Variants in KLF12 observed in about 807,000 individuals in gnomAD.
KLF12 encodes KLF transcription factor 12.
In KLF12, 9 loss-of-function variants were observed where a neutral mutation model predicts 37.8. The observed-to-expected ratio is 0.24, with a 90% CI of 0.14 to 0.42. The LOEUF is 0.42. Ranked by LOEUF, KLF12 falls within the 10% of genes least tolerant of loss-of-function variation. The pLI is 1.00. For missense variants in KLF12, 411 were observed against 516.0 expected, an observed-to-expected ratio of 0.80 and a Z score of 1.97; for synonymous variants, 208 against 202.1, an observed-to-expected ratio of 1.03 and a Z score of -0.25.
At chr13:73,997,103 T>C (rs1005131308) in intron 1 of KLF12, among the ~76,000 whole-genome samples, 1 of 152,208 alleles carries the variant, frequency 6.6e-6, no homozygotes, top group Non-Finnish European at 1.5e-5. Flanking sequence ...TAGTTTTTGC[T>C]TTCCATCCAA....
intron 7 of KLF12, among the ~76,000 whole-genome samples, chr13:73,701,463 A>G (rs1299830152): frequency 6.6e-6 from 1 of 152,102 alleles, no homozygotes; most frequent in Non-Finnish European, 1.5e-5. Context: ...TACACAGTCA[A>G]CCTCTTTTGA....
At chr13:73,699,491 T>G (rs985330944) in intron 7 of KLF12, among the ~76,000 whole-genome samples, 4 of 152,152 alleles carry the variant, frequency 2.6e-5, no homozygotes, top group Non-Finnish European at 5.9e-5. Flanking sequence ...CTTCTGCTCA[T>G]TAAAAAAGTA....
chr13:73,842,503 T>C (rs764326201), intron 4 of KLF12, among the ~76,000 whole-genome samples: 4 of 152,172 alleles, frequency 2.6e-5, no homozygotes, highest in South Asian at 2.1e-4. Context: ...AGATGCACAA[T>C]AGACAGCTGA....
intron 1 of KLF12, among the ~76,000 whole-genome samples, chr13:74,065,854 T>C (rs1193900095): frequency 6.6e-6 from 1 of 152,024 alleles, no homozygotes; most frequent in Non-Finnish European, 1.5e-5. Flanking sequence ...GGATTCTAAC[T>C]GGAGTTAGAA....
chr13:74,242,740 G>C, the KLF12 span, among the ~76,000 whole-genome samples: 2 of 152,058 alleles, frequency 1.3e-5, no homozygotes, highest in African/African-American at 4.8e-5. Context: ...AAGGATACTG[G>C]GGATACAAGG....
In KLF12 at chr13:73,743,919, A is replaced by T. The variant is rs566729362; in HGVS notation, c.869+21019T>A. On this transcript the variant is annotated intron_variant, in intron 6 of 7. Transcript: ENST00000377669. ...TCATTTACTAATTCCTTGAGGCAGG[A>T]TTCTATTTCAAGCAGTCCAGGTAGA... Among the ~76,000 whole-genome samples, 5 of 152,318 alleles carry T rather than the reference A, an allele frequency of 3.3e-5. No homozygotes were observed. The East Asian group carries it at 9.6e-4, about 29-fold the overall frequency.
chr13:74,036,451 C>T (rs1300059456), intron 1 of KLF12, among the ~76,000 whole-genome samples: 1 of 152,100 alleles, frequency 6.6e-6, no homozygotes, highest in Non-Finnish European at 1.5e-5. Context: ...GTCCCCACGC[C>T]CACCCACAGG....
the KLF12 span, among the ~76,000 whole-genome samples, chr13:74,152,485 A>G: frequency 5.3e-5 from 8 of 152,286 alleles, no homozygotes; most frequent in African/African-American, 1.9e-4. Flanking sequence ...GTTGTTTGCT[A>G]GTACTTTTGT....
intron 1 of KLF12, among the ~76,000 whole-genome samples, chr13:74,022,797 T>C (rs1892877374): frequency 6.6e-6 from 1 of 151,598 alleles, no homozygotes; most frequent in Non-Finnish European, 1.5e-5. Context: ...TGGGAAGGCC[T>C]TGAATTATGA....
At chr13:74,244,634 CT>C in the KLF12 span, among the ~76,000 whole-genome samples, 3 of 152,182 alleles carry the variant, frequency 2.0e-5, no homozygotes, top group African/African-American at 7.2e-5. Context: ...AATATCTGCC[CT>C]CCACTGTGGG....
intron 2 of KLF12, among the ~76,000 whole-genome samples, chr13:73,973,189 C>T (rs1891395322): frequency 6.6e-6 from 1 of 152,116 alleles, no homozygotes; most frequent in Non-Finnish European, 1.5e-5. Context: ...CCAAAGTACT[C>T]TTAGTTATTT....
chr13:74,020,947 A>C (rs1008179758), intron 1 of KLF12, among the ~76,000 whole-genome samples: 1 of 151,794 alleles, frequency 6.6e-6, no homozygotes, highest in Admixed American at 6.6e-5. Context: ...CACTTCATTC[A>C]CAATTCTGAA....
chr13:73,735,278 A>G (rs1183736468), intron 6 of KLF12, among the ~76,000 whole-genome samples: 1 of 152,146 alleles, frequency 6.6e-6, no homozygotes, highest in Non-Finnish European at 1.5e-5. Flanking sequence ...AGTCTGGGTG[A>G]CAGGGCAAGA....
intron 2 of KLF12, among the ~76,000 whole-genome samples, chr13:73,970,724 G>A (rs1891307932): frequency 6.6e-6 from 1 of 152,164 alleles, no homozygotes; most frequent in South Asian, 2.1e-4. Context: ...TGAAAATGTG[G>A]AAATGCTGAA....
At chr13:74,025,100 C>T (rs927711457) in intron 1 of KLF12, among the ~76,000 whole-genome samples, 1 of 152,158 alleles carries the variant, frequency 6.6e-6, no homozygotes, top group Non-Finnish European at 1.5e-5. Flanking sequence ...AAAGCAAACT[C>T]CTTTGGAAAT....
At chr13:74,221,005 TG>T in the KLF12 span, among the ~76,000 whole-genome samples, 15 of 151,392 alleles carry the variant, frequency 9.9e-5, 1 homozygote, top group South Asian at 2.5e-3. Context: ...TTTGCTTGTT[TG>T]TTTTTTTTTT....
At chr13:73,784,274 T>C (rs1201455353) in intron 5 of KLF12, among the ~76,000 whole-genome samples, 1 of 152,124 alleles carries the variant, frequency 6.6e-6, no homozygotes, top group East Asian at 1.9e-4. Context: ...ATATCAACCC[T>C]AGTTCAAAAA....
chr13:73,756,318 G>A (rs1048779267), intron 6 of KLF12, among the ~76,000 whole-genome samples: 5 of 152,088 alleles, frequency 3.3e-5, no homozygotes, highest in Admixed American at 6.6e-5. Context: ...CAATAACTAC[G>A]TATGTTTGGT....
chr13:74,215,489 T>C, the KLF12 span, among the ~76,000 whole-genome samples: 1 of 150,034 alleles, frequency 6.7e-6, no homozygotes, highest in African/African-American at 2.5e-5. Flanking sequence ...GTTTGTTTGC[T>C]TGGGTCTCTG....
Sources: gnomAD v4.1 joint callset for allele counts (sites outside exome capture counted in the v4.1 genomes callset) on GRCh38, gnomAD v4.1.1 for gene constraint, MANE v1.5 for transcripts, NCBI Gene and HGNC (gene_info 2026-07-23, HGNC 2026-07-21) for gene names.